Variants in FHL5 observed in about 807,000 individuals in gnomAD.
The protein encoded by FHL5 is four and a half LIM domains 5.
A neutral mutation model predicts 32.0 loss-of-function variants in FHL5; 33 were observed. That is an observed-to-expected ratio of 1.03 (90% CI 0.78 to 1.38). The LOEUF is 1.38. Among genes scored for constraint, FHL5 ranks in the 40% most tolerant of loss-of-function variants. FHL5 has a pLI of 0.00. For missense variants in FHL5, 336 were observed against 343.9 expected (o/e 0.98, Z 0.18); for synonymous variants, 114 against 113.6 (o/e 1.00, Z -0.02).
chr6:96,574,939 A>G (rs143038104), intron 1 of FHL5, among the ~76,000 whole-genome samples: 3,338 of 152,296 alleles, frequency 0.022, 49 homozygotes, highest in Non-Finnish European at 0.03. Context: ...CCAGAATCCA[A>G]AAAGCTAATA....
chr6:96,588,881 TA>T (rs3884105), intron 1 of FHL5, among the ~76,000 whole-genome samples: 31 of 150,938 alleles, frequency 2.1e-4, no homozygotes, highest in African/African-American at 3.4e-4. Flanking sequence ...GCAATTCTTT[TA>T]AAAAAAAAGT....
At chr6:96,593,423 G>A (rs2127967959) in intron 1 of FHL5, among the ~76,000 whole-genome samples, 1 of 152,246 alleles carries the variant, frequency 6.6e-6, no homozygotes, top group East Asian at 1.9e-4. Flanking sequence ...CTTCAGACAG[G>A]ATGTGTATTT....
In FHL5 at chr6:96,606,101, G is replaced by T. The variant is rs755203284; in HGVS notation, c.504+30G>T. On this transcript the variant is annotated intron_variant, in intron 4 of 5. Coordinates refer to ENST00000450218, the MANE Select transcript of FHL5 (RefSeq NM_001322466.2). ...TTTTCTAAAGAGGGTGAAGCTTGTG[G>T]AAACTCAGACTATTTCTTTTTAGCT... The T allele has an allele frequency of 2.5e-6, 4 of 1,584,120 alleles. No individual in the cohort carries two copies. In the African/African-American group the frequency reaches 4.0e-5, roughly 16 times the overall value.
At chr6:96,605,398 T>A (rs1020461959) in intron 3 of FHL5, among the ~76,000 whole-genome samples, 2 of 152,180 alleles carry the variant, frequency 1.3e-5, no homozygotes, top group Admixed American at 1.3e-4. Flanking sequence ...GACTAATTCT[T>A]TATATTTTGA....
At chr6:96,591,915 G>T (rs533813737) in intron 1 of FHL5, among the ~76,000 whole-genome samples, 3 of 152,174 alleles carry the variant, frequency 2.0e-5, no homozygotes, top group Non-Finnish European at 4.4e-5. Context: ...GTTTTTATTA[G>T]GGATTTTCAA....
At chr6:96,613,406 G>A (rs1451986719) in intron 5 of FHL5, among the ~76,000 whole-genome samples, 1 of 152,110 alleles carries the variant, frequency 6.6e-6, no homozygotes, top group Non-Finnish European at 1.5e-5. Flanking sequence ...AAACTATCAG[G>A]GATAAATGAA....
chr6:96,564,459 G>A (rs917086708), intron 1 of FHL5, among the ~76,000 whole-genome samples: 1 of 152,092 alleles, frequency 6.6e-6, no homozygotes, highest in African/African-American at 2.4e-5. Flanking sequence ...CCAAATCTGG[G>A]ACTGTTCTAC....
intron 1 of FHL5, among the ~76,000 whole-genome samples, chr6:96,596,172 A>T (rs1455176929): frequency 2.6e-5 from 4 of 152,096 alleles, no homozygotes; most frequent in Non-Finnish European, 5.9e-5. Flanking sequence ...CAAGGTCATC[A>T]TGGCTCAGAA....
rs1284360289 is a variant in FHL5, at chr6:96,616,556, T to G, written c.*784T>G. On this transcript the variant is annotated 3_prime_UTR_variant, in exon 6 of 6. Coordinates refer to ENST00000450218, the MANE Select transcript of FHL5 (RefSeq NM_001322466.2). ...GCTTACAGATTCCATGAAATAAAAG[T>G]CTATTCTTTCAAGTGGAGCTAACCA... 6.6e-6 allele frequency: 1 copy of G among 152,214 alleles called. No homozygotes were observed. Among genetic ancestry groups the G allele is most frequent in the East Asian group, 1.9e-4 (1 of 5,198 alleles). 9.4% of individuals were successfully genotyped at this position (152,214 alleles called of 1,614,324 possible).
At chr6:96,585,052 A>G (rs180917771) in intron 1 of FHL5, among the ~76,000 whole-genome samples, 176 of 152,270 alleles carry the variant, frequency 1.2e-3, no homozygotes, top group Admixed American at 5.8e-3. Context: ...ACTGTCCATC[A>G]GTCACCTTTT....
chr6:96,596,977 C>G (rs1434822035), intron 1 of FHL5, among the ~76,000 whole-genome samples: 2 of 152,042 alleles, frequency 1.3e-5, no homozygotes, highest in African/African-American at 4.8e-5. Context: ...CCTACTGCAT[C>G]TTGCTCCCAC....
chr6:96,594,260 TA>T (rs1562059689), intron 1 of FHL5, among the ~76,000 whole-genome samples: 4,298 of 105,064 alleles, frequency 0.041, 146 homozygotes, highest in Middle Eastern at 0.068. Flanking sequence ...TATATATATA[TA>T]TATATATATA....
chr6:96,566,740 T>C (rs181361261), intron 1 of FHL5, among the ~76,000 whole-genome samples: 4 of 152,126 alleles, frequency 2.6e-5, no homozygotes, highest in African/African-American at 9.6e-5. Context: ...TGCATTACCC[T>C]GATGATTAAT....
At position 96,605,928 on chromosome 6, in the gene FHL5, A is replaced by G. The variant is rs759358993; in HGVS notation, c.361A>G (p.Asn121Asp). 3 of 1,613,960 alleles carry G rather than the reference A, an allele frequency of 1.9e-6. No homozygotes were observed. The highest frequency in any genetic ancestry group is 2.5e-6 in the Non-Finnish European group (3 of 1,179,990). ...PGSRKMEFKG[N>D]YWHETCFVCE... is the part of the protein sequence containing the mutation. ...TTCCCGCAAAATGGAATTTAAGGGAAACTACTGGCATGAAACCTGTTTTGT... is the reference window on the plus strand; with the variant it reads ...TTCCCGCAAAATGGAATTTAAGGGAGACTACTGGCATGAAACCTGTTTTGT... Residue 121 changes from asparagine (N) to aspartate (D), a missense_variant, in exon 4 of 6, where the codon AAC becomes GAC. Coordinates refer to ENST00000450218, the MANE Select transcript of FHL5 (RefSeq NM_001322466.2).
chr6:96,605,038 TTC>T (rs1771243893), intron 3 of FHL5, 114 bp downstream of exon 3: 1 of 630,054 alleles, frequency 1.6e-6, no homozygotes, highest in African/African-American at 1.9e-5. Context: ...AAAGATATCT[TTC>T]TTACTCTCTC....
At chr6:96,612,165 G>A (rs1041985438) in intron 5 of FHL5, among the ~76,000 whole-genome samples, 1 of 152,120 alleles carries the variant, frequency 6.6e-6, no homozygotes, top group Non-Finnish European at 1.5e-5. Context: ...CTCGGCTCCA[G>A]GGTCCATGCT....
chr6:96,564,247 A>G (rs2127956577), intron 1 of FHL5, among the ~76,000 whole-genome samples: 1 of 152,316 alleles, frequency 6.6e-6, no homozygotes, highest in East Asian at 1.9e-4. Context: ...ATCATGTGTA[A>G]ATACTAGCAT....
intron 1 of FHL5, among the ~76,000 whole-genome samples, chr6:96,598,528 G>T (rs1488917855): frequency 6.6e-6 from 1 of 152,162 alleles, no homozygotes; most frequent in Non-Finnish European, 1.5e-5. Flanking sequence ...GAAAGTAATT[G>T]TCCTTCCTCC....
At chr6:96,589,556 G>A (rs1355476293) in intron 1 of FHL5, among the ~76,000 whole-genome samples, 7 of 151,796 alleles carry the variant, frequency 4.6e-5, no homozygotes, top group South Asian at 4.2e-4. Context: ...TTATTGATTC[G>A]TAGGACTTCT....
Sources: gnomAD v4.1 joint callset for allele counts (sites outside exome capture counted in the v4.1 genomes callset) on GRCh38, gnomAD v4.1.1 for gene constraint, MANE v1.5 for transcripts, NCBI Gene and HGNC (gene_info 2026-07-23, HGNC 2026-07-21) for gene names.